SCN2A: variants seen among roughly 807,000 people sequenced by gnomAD.
The protein encoded by SCN2A is sodium channel protein type 2 subunit alpha.
SCN2A carries 20 observed loss-of-function variants against 188.7 expected under a neutral mutation model. That is an observed-to-expected ratio of 0.11 (90% CI 0.07 to 0.15). SCN2A has a LOEUF of 0.15. SCN2A is among the 10% of genes least tolerant of loss of function. SCN2A has a pLI of 1.00. For synonymous variants in SCN2A, 804 were observed against 833.1 expected (o/e 0.97, Z 0.60); for missense variants, 1,278 against 2,445.0 (o/e 0.52, Z 10.07).
At chr2:165,277,497 A>G (rs141328254) in intron 1 of SCN2A, among the ~76,000 whole-genome samples, 1 of 152,176 alleles carries the variant, frequency 6.6e-6, no homozygotes, top group Non-Finnish European at 1.5e-5. Context: ...TAGTTGCCTT[A>G]TTTGGTCTAT....
chr2:165,349,736 A>G (rs1463359149), intron 16 of SCN2A, among the ~76,000 whole-genome samples: 1 of 152,134 alleles, frequency 6.6e-6, no homozygotes, highest in East Asian at 1.9e-4. Flanking sequence ...TTGTCTTGTG[A>G]TAACCTGGGT....
At chr2:165,297,721 C>T (rs1368459906) in intron 3 of SCN2A, among the ~76,000 whole-genome samples, 1 of 152,052 alleles carries the variant, frequency 6.6e-6, no homozygotes, top group East Asian at 1.9e-4. Flanking sequence ...TATTCTTTTC[C>T]TTTCTTTTTC....
chr2:165,267,341 T>C (rs1296387301), intron 1 of SCN2A: 2 of 151,914 alleles, frequency 1.3e-5, no homozygotes, highest in African/African-American at 2.4e-5. Flanking sequence ...AATAAATCCA[T>C]GCACTTATGG....
intron 25 of SCN2A, among the ~76,000 whole-genome samples, chr2:165,384,433 G>A (rs1701758110): frequency 1.3e-5 from 2 of 152,048 alleles, no homozygotes; most frequent in Admixed American, 6.6e-5. Flanking sequence ...ATTTAAATGG[G>A]AGAACAGAAC....
At chr2:165,320,754 A>G (rs1156505141) in intron 11 of SCN2A, among the ~76,000 whole-genome samples, 1 of 152,174 alleles carries the variant, frequency 6.6e-6, no homozygotes, top group Non-Finnish European at 1.5e-5. Context: ...ACAGGGCACC[A>G]AGTTCCTAGG....
rs559986435 is a variant in SCN2A, at chr2:165,269,336, C to T, written c.-51-26437C>T. 3 of 151,900 alleles carry T rather than the reference C, an allele frequency of 2.0e-5. No individual in the cohort carries two copies. In the Middle Eastern group the frequency reaches 0.01, roughly 517 times the overall value. 9.4% of individuals were successfully genotyped at this position (151,900 alleles called of 1,614,324 possible). A position where few individuals can be genotyped will look rare whatever the true frequency, so the allele number is the denominator to read the frequency against. ...TTATTAACTCTATCAGGAAATGAAG[C>T]TTTGAGTAACATTTTACTGTTTATA... On this transcript the variant is annotated intron_variant, in intron 1 of 26. Transcript: ENST00000375437.
intron 1 of SCN2A, among the ~76,000 whole-genome samples, chr2:165,253,248 A>C (rs1441346280): frequency 6.6e-6 from 1 of 152,066 alleles, no homozygotes; most frequent in African/African-American, 2.4e-5. Context: ...TTCCAAATTC[A>C]CTTCTATCTC....
intron 11 of SCN2A, among the ~76,000 whole-genome samples, chr2:165,316,746 G>T (rs955908774): frequency 2.0e-5 from 3 of 152,052 alleles, no homozygotes; most frequent in Non-Finnish European, 2.9e-5. Context: ...TTTATGCTTG[G>T]CATTCTTTCT....
chr2:165,332,008 T>A (rs1698710365), intron 14 of SCN2A, among the ~76,000 whole-genome samples: 1 of 152,062 alleles, frequency 6.6e-6, no homozygotes, highest in African/African-American at 2.4e-5. Context: ...GGGATTATTA[T>A]TTTTTGTTTT....
At chr2:165,291,490 C>CTTTCTTTCTTTCT (rs1265345470) in intron 1 of SCN2A, among the ~76,000 whole-genome samples, 89 of 22,230 alleles carry the variant, frequency 4.0e-3, no homozygotes, top group East Asian at 0.011. Context: ...TTCTTTCTTT[C>CTTTCTTTCTTTCT]TTTTCTTTCT....
chr2:165,328,649 A>G (rs2105287949), intron 13 of SCN2A: 1 of 286,226 alleles, frequency 3.5e-6, no homozygotes, highest in East Asian at 1.7e-4. Flanking sequence ...CTTGCCAACT[A>G]ATTAAGATTT....
intron 12 of SCN2A, among the ~76,000 whole-genome samples, chr2:165,326,628 A>G (rs1407073131): frequency 6.6e-6 from 1 of 152,172 alleles, no homozygotes; most frequent in African/African-American, 2.4e-5. Context: ...GGATAGAGGC[A>G]TAGGAAAGCC....
At chr2:165,313,834 T>C in intron 9 of SCN2A, 68 bp from the exon 10 acceptor site, 1 of 1,611,854 alleles carries the variant, frequency 6.2e-7, no homozygotes, top group South Asian at 1.1e-5. Flanking sequence ...TAGAATATTT[T>C]ATTACTTAGA....
Position 165,278,072 on chromosome 2 carries a change from A to T in SCN2A, c.-51-17701A>T, listed in dbSNP as rs1279177096. Among the ~76,000 whole-genome samples the T allele has an allele frequency of 5.2e-4, 79 of 152,316 alleles. 1 individual carries two copies. Among genetic ancestry groups the T allele is most frequent in the Non-Finnish European group, 1.5e-5 (1 of 68,030 alleles). ...ATGTGAAAGTGTGCATGGAAAATGT[A>T]TTTGAGATTTAAACTGCTGTTGTCT... On this transcript the variant is annotated intron_variant, in intron 1 of 26. Coordinates refer to ENST00000375437, the MANE Select transcript of SCN2A (RefSeq NM_001040142.2).
intron 11 of SCN2A, 96 bp from the exon 12 acceptor site, chr2:165,323,060 C>T: frequency 1.7e-6 from 2 of 1,178,298 alleles, no homozygotes; most frequent in South Asian, 1.4e-5. Flanking sequence ...TTGAGTAAGT[C>T]AATGACTATG....
At chr2:165,347,122 G>T (rs1300927673) in intron 16 of SCN2A, among the ~76,000 whole-genome samples, 1 of 152,136 alleles carries the variant, frequency 6.6e-6, no homozygotes, top group Non-Finnish European at 1.5e-5. Context: ...AAATCATTCT[G>T]CTATAAAGAT....
intron 16 of SCN2A, among the ~76,000 whole-genome samples, chr2:165,347,009 T>TCAA (rs1699625302): frequency 6.6e-6 from 1 of 152,174 alleles, no homozygotes; most frequent in Non-Finnish European, 1.5e-5. Flanking sequence ...GTAAACTAGT[T>TCAA]CAACCATTGT....
At chr2:165,350,460 C>CTTTTTTTTTTTTTTTTTTTT (rs796595702) in intron 16 of SCN2A, among the ~76,000 whole-genome samples, 17 of 77,932 alleles carry the variant, frequency 2.2e-4, no homozygotes, top group African/African-American at 4.8e-4. Context: ...GAACTGTTTT[C>CTTTTTTTTTTTTTTTTTTTT]TTTCTTTTTT....
chr2:165,294,690 T>C (rs1475466723), intron 1 of SCN2A, among the ~76,000 whole-genome samples: 3 of 152,280 alleles, frequency 2.0e-5, no homozygotes, highest in African/African-American at 7.2e-5. Context: ...AAGATGTTGA[T>C]TGTATTGTTT....
Sources: allele counts gnomAD v4.1 joint callset (sites outside exome capture counted in the v4.1 genomes callset), GRCh38; gene constraint gnomAD v4.1.1; transcripts MANE v1.5; gene names NCBI Gene and HGNC (gene_info 2026-07-23, HGNC 2026-07-21).